Variants in ABTB2 observed in about 807,000 individuals in gnomAD.
ABTB2 encodes ankyrin repeat and BTB/POZ domain-containing protein 2.
A neutral mutation model predicts 104.1 loss-of-function variants in ABTB2; 56 were observed. The ratio of observed to expected loss-of-function variants is 0.54; its 90% CI spans 0.43 to 0.67. The LOEUF is 0.67. Among genes scored for constraint, ABTB2 ranks in the 30% least tolerant of loss-of-function variants. The pLI is 0.00. For synonymous variants in ABTB2, 606 were observed against 608.2 expected, an observed-to-expected ratio of 1.00 and a Z score of 0.05; for missense variants, 1,279 against 1,407.7, an observed-to-expected ratio of 0.91 and a Z score of 1.46.
intron 1 of ABTB2, among the ~76,000 whole-genome samples, chr11:34,301,848 G>A (rs925721747): frequency 6.6e-6 from 1 of 152,210 alleles, no homozygotes; most frequent in African/African-American, 2.4e-5. Context: ...TTAGCTGGGT[G>A]TGGTGGTGTA....
chr11:34,205,549 A>G (rs981862458), intron 1 of ABTB2, among the ~76,000 whole-genome samples: 11 of 152,192 alleles, frequency 7.2e-5, no homozygotes, highest in African/African-American at 2.7e-4. Flanking sequence ...AACTTTTGGT[A>G]ACCACTGTTT....
chr11:34,214,015 CAG>C (rs1853518268), intron 1 of ABTB2, among the ~76,000 whole-genome samples: 1 of 152,152 alleles, frequency 6.6e-6, no homozygotes, highest in Admixed American at 6.6e-5. Context: ...TTGAAAAGAA[CAG>C]TCCGCCACAT....
intron 1 of ABTB2, among the ~76,000 whole-genome samples, chr11:34,244,491 A>G (rs1853960334): frequency 6.6e-6 from 1 of 152,228 alleles, no homozygotes; most frequent in Admixed American, 6.5e-5. Flanking sequence ...AAACAGGGAT[A>G]TCTCATTGTA....
chr11:34,183,508 C>T (rs1853054563), intron 3 of ABTB2, among the ~76,000 whole-genome samples: 1 of 152,222 alleles, frequency 6.6e-6, no homozygotes, highest in African/African-American at 2.4e-5. Flanking sequence ...GTACTGCCCT[C>T]GGCTAGAGAG....
intron 1 of ABTB2, among the ~76,000 whole-genome samples, chr11:34,219,223 C>T (rs551949690): frequency 1.1e-4 from 16 of 152,264 alleles, no homozygotes; most frequent in African/African-American, 3.4e-4. Context: ...ACAGCATATA[C>T]GATGGTGGTC....
chr11:34,193,769 C>G (rs755475488), intron 3 of ABTB2, among the ~76,000 whole-genome samples: 2 of 152,242 alleles, frequency 1.3e-5, no homozygotes, highest in African/African-American at 4.8e-5. Context: ...GCCCAGGCCT[C>G]TGCCCCAAAG....
chr11:34,233,375 G>T (rs1402690270), intron 1 of ABTB2, among the ~76,000 whole-genome samples: 2 of 148,652 alleles, frequency 1.3e-5, no homozygotes, highest in East Asian at 3.9e-4. Context: ...TGCCCAGGCT[G>T]AAGTGCAGTG....
At chr11:34,158,456 C>T (rs1048990610) in intron 14 of ABTB2, among the ~76,000 whole-genome samples, 4 of 152,214 alleles carry the variant, frequency 2.6e-5, no homozygotes, top group Non-Finnish European at 5.9e-5. Context: ...CCATGTGCTT[C>T]TGTGAGACTC....
intron 1 of ABTB2, among the ~76,000 whole-genome samples, chr11:34,337,412 G>T (rs866143887): frequency 1.3e-5 from 2 of 152,228 alleles, no homozygotes; most frequent in African/African-American, 2.4e-5. Context: ...CCAAAGGGCC[G>T]TACCTTGAGG....
chr11:34,174,344 A>AG (rs1308433629), intron 3 of ABTB2, among the ~76,000 whole-genome samples: 3 of 150,456 alleles, frequency 2.0e-5, no homozygotes, highest in African/African-American at 7.4e-5. Flanking sequence ...AAAAAAAAAA[A>AG]AAAAAAGAAA....
At chr11:34,269,099 C>T (rs933063798) in intron 1 of ABTB2, among the ~76,000 whole-genome samples, 1 of 152,202 alleles carries the variant, frequency 6.6e-6, no homozygotes, top group East Asian at 1.9e-4. Flanking sequence ...AGAGGAAGCA[C>T]CACTGACCAG....
rs780783453 is a variant in ABTB2 at position 34,164,735 on chromosome 11, G to A, written c.1939C>T (p.Leu647Phe). ...MLEAHGMGSS[L>F]HEDMNCFSHS... ...CTGAAGCAGTTCATGTCCTCGTGGA[G>A]GGAGGAGCCCATGCCGTGGGCCTCC... Residue 647 changes from leucine to phenylalanine, a missense_variant, in exon 9 of 17, where the codon CTC becomes TTC. Physicochemically the swap from Leu to Phe is conservative, Grantham distance 22. Coordinates refer to ENST00000435224, the MANE Select transcript of ABTB2 (RefSeq NM_145804.3). The A allele has an allele frequency of 6.4e-7, 1 of 1,554,276 alleles. No homozygotes were observed. Among genetic ancestry groups the A allele is most frequent in the South Asian group, 1.2e-5 (1 of 80,954 alleles).
At chr11:34,310,528 C>G (rs1295708410) in intron 1 of ABTB2, among the ~76,000 whole-genome samples, 4 of 152,156 alleles carry the variant, frequency 2.6e-5, no homozygotes, top group Non-Finnish European at 5.9e-5. Context: ...CCTATCCCTC[C>G]AGCCAGAGCA....
intron 1 of ABTB2, among the ~76,000 whole-genome samples, chr11:34,283,737 G>A (rs1259092777): frequency 2.0e-5 from 3 of 152,112 alleles, no homozygotes; most frequent in African/African-American, 7.2e-5. Context: ...TTTTGTAGGT[G>A]GTCTTTCAAC....
intron 1 of ABTB2, among the ~76,000 whole-genome samples, chr11:34,315,790 C>A (rs1021282781): frequency 6.6e-6 from 1 of 152,138 alleles, no homozygotes; most frequent in Non-Finnish European, 1.5e-5. Context: ...CAGCCACCCC[C>A]CAGGTTTCCA....
chr11:34,281,353 G>C (rs1854447166), intron 1 of ABTB2, among the ~76,000 whole-genome samples: 1 of 152,174 alleles, frequency 6.6e-6, no homozygotes, highest in Non-Finnish European at 1.5e-5. Context: ...TGAGTTCCCT[G>C]TTTAGCACAG....
At chr11:34,166,576 C>T (rs1023298389) in intron 7 of ABTB2, among the ~76,000 whole-genome samples, 1 of 152,260 alleles carries the variant, frequency 6.6e-6, no homozygotes, top group Non-Finnish European at 1.5e-5. Flanking sequence ...GTCTTGCAAC[C>T]TAGTGGGGAG....
chr11:34,335,532 C>A (rs569814724), intron 1 of ABTB2: 4 of 1,202,570 alleles, frequency 3.3e-6, no homozygotes, highest in Admixed American at 1.8e-5. Context: ...AAAATCTTTT[C>A]GCCACAATTC....
At chr11:34,188,229 C>A (rs753805596) in intron 3 of ABTB2, among the ~76,000 whole-genome samples, 4 of 152,184 alleles carry the variant, frequency 2.6e-5, no homozygotes, top group Non-Finnish European at 5.9e-5. Context: ...CTCCAAAGAA[C>A]CCAACCATTA....
Sources: gnomAD v4.1 joint callset for allele counts (sites outside exome capture counted in the v4.1 genomes callset) on GRCh38, gnomAD v4.1.1 for gene constraint, MANE v1.5 for transcripts, NCBI Gene and HGNC (gene_info 2026-07-23, HGNC 2026-07-21) for gene names.